ADAM12: variants seen among roughly 807,000 people sequenced by gnomAD.
ADAM12 encodes disintegrin and metalloproteinase domain-containing protein 12.
Under a neutral mutation model 106.4 loss-of-function variants are expected in ADAM12, and 70 were observed. The ratio of observed to expected loss-of-function variants is 0.66; its 90% CI spans 0.54 to 0.80. The LOEUF (loss-of-function observed/expected upper bound fraction) is 0.80, where lower values mean the gene tolerates loss of function less well. Ranked by LOEUF, ADAM12 falls within the 30% of genes least tolerant of loss-of-function variation. The pLI, the probability that ADAM12 is intolerant of heterozygous loss-of-function variation, is 0.00. For synonymous variants in ADAM12, 420 were observed against 433.5 expected, an observed-to-expected ratio of 0.97 and a Z score of 0.39; for missense variants, 1,010 against 1,171.9, an observed-to-expected ratio of 0.86 and a Z score of 2.02.
intron 3 of ADAM12, among the ~76,000 whole-genome samples, chr10:126,191,920 C>A (rs910074895): frequency 1.3e-5 from 2 of 152,098 alleles, no homozygotes; most frequent in African/African-American, 4.8e-5. Context: ...ACAACCCTGG[C>A]AGAAGGTGAG....
At chr10:126,384,967 T>G (rs1427529906) in intron 1 of ADAM12, among the ~76,000 whole-genome samples, 2 of 152,246 alleles carry the variant, frequency 1.3e-5, no homozygotes, top group African/African-American at 2.4e-5. Context: ...CCTATACTTC[T>G]GACCAACTAG....
chr10:126,085,435 T>C (rs1240367799), intron 11 of ADAM12, among the ~76,000 whole-genome samples: 3 of 152,206 alleles, frequency 2.0e-5, no homozygotes, highest in African/African-American at 4.8e-5. Flanking sequence ...TCTGCACTTA[T>C]CTAATTGTGC....
intron 3 of ADAM12, among the ~76,000 whole-genome samples, chr10:126,234,245 A>G (rs1214722227): frequency 6.6e-6 from 1 of 152,164 alleles, no homozygotes; most frequent in Admixed American, 6.5e-5. Flanking sequence ...CTCTTGGCTT[A>G]CTTGTGCTTA....
rs773811966 is a variant in ADAM12 at position 126,019,738 on chromosome 10, T to C, written c.2617A>G (p.Thr873Ala). The C allele has an allele frequency of 6.2e-7, 1 of 1,614,010 alleles. No homozygotes were observed. Among genetic ancestry groups the C allele is most frequent in the Non-Finnish European group, 8.5e-7 (1 of 1,179,982 alleles). The change falls in exon 22 of 23, where the codon ACC (threonine) becomes GCC (alanine). Residue 873 changes from threonine (T) to alanine (A), a missense_variant. Physicochemically the swap from Thr to Ala is moderately conservative, Grantham distance 58. This residue lies in a region of ADAM12 where 615 missense variants were observed against 708.5 expected (regional missense o/e 0.87). Coordinates refer to ENST00000448723, the MANE Select transcript of ADAM12 (RefSeq NM_001288973.2). ...AGCCCAGTCTCCCATTGTCCTGGGG[T>C]CCTGGCCAAGGCATGAGTGAGCCGA... Reference protein sequence around the residue: ...TTRLTHALARTPGQWETGLRL... With the variant: ...TTRLTHALARAPGQWETGLRL...
chr10:126,110,536 T>C (rs1955851003), intron 6 of ADAM12, among the ~76,000 whole-genome samples: 1 of 151,758 alleles, frequency 6.6e-6, no homozygotes, highest in Admixed American at 6.6e-5. Flanking sequence ...AAGAAAAAAC[T>C]AAGACTGCAA....
At chr10:126,129,255 G>T (rs554482693) in intron 5 of ADAM12, among the ~76,000 whole-genome samples, 1 of 152,250 alleles carries the variant, frequency 6.6e-6, no homozygotes, top group Non-Finnish European at 1.5e-5. Context: ...AGAGAGCGGG[G>T]CAAGAGAACC....
intron 3 of ADAM12, among the ~76,000 whole-genome samples, chr10:126,168,453 A>G (rs912792152): frequency 3.3e-5 from 5 of 152,186 alleles, no homozygotes; most frequent in Admixed American, 6.5e-5. Context: ...GGAAGTTAAT[A>G]TATGCTATAG....
intron 5 of ADAM12, among the ~76,000 whole-genome samples, chr10:126,121,137 A>ATAGTATATATAGTATATATAT (rs369000232): frequency 3.5e-5 from 1 of 28,610 alleles, no homozygotes; most frequent in Non-Finnish European, 5.5e-5. Context: ...TATACTATAT[A>ATAGTATATATAGTATATATAT]CTATATATAC....
chr10:126,126,434 TTTCC>T (rs1956207751), intron 5 of ADAM12, among the ~76,000 whole-genome samples: 1 of 152,066 alleles, frequency 6.6e-6, no homozygotes, highest in Non-Finnish European at 1.5e-5. Context: ...CAGGGAATAG[TTTCC>T]TTATTTTCGT....
intron 1 of ADAM12, among the ~76,000 whole-genome samples, chr10:126,340,708 A>C (rs1590802079): frequency 7.0e-6 from 1 of 143,032 alleles, no homozygotes. Flanking sequence ...GCTATGTCCT[A>C]CCTCGTGGCC....
chr10:126,173,370 G>A (rs1957154895), intron 3 of ADAM12, among the ~76,000 whole-genome samples: 1 of 152,134 alleles, frequency 6.6e-6, no homozygotes, highest in African/African-American at 2.4e-5. Flanking sequence ...TCTTAACACC[G>A]GCTGAATCTG....
intron 3 of ADAM12, among the ~76,000 whole-genome samples, chr10:126,247,854 G>T (rs1478611611): frequency 6.6e-6 from 1 of 152,118 alleles, no homozygotes; most frequent in Non-Finnish European, 1.5e-5. Context: ...TCACTAAAAC[G>T]CCAAGAAATA....
intron 4 of ADAM12, among the ~76,000 whole-genome samples, chr10:126,144,855 C>T (rs938226354): frequency 6.6e-6 from 1 of 152,180 alleles, no homozygotes; most frequent in African/African-American, 2.4e-5. Flanking sequence ...CGACTGAGTG[C>T]CAGGCTCGGT....
intron 1 of ADAM12, among the ~76,000 whole-genome samples, chr10:126,387,323 AAAACTAAGTACGTT>A (rs1298169897): frequency 4.6e-5 from 7 of 152,218 alleles, no homozygotes; most frequent in African/African-American, 1.4e-4. Context: ...CTAAGTCTGT[AAAACTAAGTACGTT>A]AAACTAAGTA....
Position 126,327,136 on chromosome 10 carries a change from G to A in ADAM12, c.186+3276C>T, listed in dbSNP as rs147698776. Among the ~76,000 whole-genome samples the A allele has an allele frequency of 5.0e-3, 755 of 152,248 alleles. 5 individuals carry two copies. Among genetic ancestry groups the A allele is most frequent in the African/African-American group, 0.017 (720 of 41,548 alleles). ...AGAATGGAGGGACAGTCAGAGCCCCGGAGCCATGGCGTGGGGCTGTGGTTA... is the reference window on the plus strand; with the variant it reads ...AGAATGGAGGGACAGTCAGAGCCCCAGAGCCATGGCGTGGGGCTGTGGTTA... On this transcript the variant is annotated intron_variant, in intron 2 of 22. Transcript: ENST00000448723.
intron 6 of ADAM12, among the ~76,000 whole-genome samples, chr10:126,115,387 GGGGGAGCTGAACAGT>G (rs542841799): frequency 2.1e-4 from 32 of 152,234 alleles, no homozygotes; most frequent in African/African-American, 7.7e-4. Flanking sequence ...AGTCTGCTGT[GGGGGAGCTGAACAGT>G]AAGGAGGCTT....
chr10:126,221,229 C>T (rs1291934975), intron 3 of ADAM12, among the ~76,000 whole-genome samples: 1 of 151,748 alleles, frequency 6.6e-6, no homozygotes, highest in Non-Finnish European at 1.5e-5. Context: ...ACTAAAAATA[C>T]AAAAATTAGT....
At chr10:126,350,616 T>G (rs1855316061) in intron 1 of ADAM12, among the ~76,000 whole-genome samples, 1 of 152,238 alleles carries the variant, frequency 6.6e-6, no homozygotes, top group Non-Finnish European at 1.5e-5. Flanking sequence ...TGAGCAGCTG[T>G]GTCTGTTGTC....
chr10:126,315,503 A>T (rs184684408), intron 2 of ADAM12, among the ~76,000 whole-genome samples: 1 of 152,216 alleles, frequency 6.6e-6, no homozygotes, highest in East Asian at 1.9e-4. Flanking sequence ...GGGCAACTGA[A>T]GTATGTGGCA....
Sources: allele counts gnomAD v4.1 joint callset (sites outside exome capture counted in the v4.1 genomes callset), GRCh38; gene constraint gnomAD v4.1.1; regional missense constraint gnomAD v4.1.1; transcripts MANE v1.5; gene names NCBI Gene and HGNC (gene_info 2026-07-23, HGNC 2026-07-21).